DCLK1: variants seen among roughly 807,000 people sequenced by gnomAD.
DCLK1 encodes the protein doublecortin like kinase 1.
In DCLK1, 16 loss-of-function variants were observed where a neutral mutation model predicts 86.2. The ratio of observed to expected loss-of-function variants is 0.19; its 90% CI spans 0.13 to 0.28. DCLK1 has a LOEUF of 0.28. Among genes scored for constraint, DCLK1 ranks in the 10% least tolerant of loss-of-function variants. The probability of loss-of-function intolerance (pLI) is 1.00; values close to 1 mark genes in which losing one functional copy is unlikely to be tolerated. For missense variants in DCLK1, 590 were observed against 940.2 expected, an observed-to-expected ratio of 0.63 and a Z score of 4.87; for synonymous variants, 369 against 370.5, an observed-to-expected ratio of 1.00 and a Z score of 0.05.
Position 35,788,140 on chromosome 13 carries a change from A to G in DCLK1, c.2058+5226T>C. On this transcript the variant is annotated intron_variant, in intron 16 of 16. Coordinates refer to ENST00000360631, the MANE Select transcript of DCLK1 (RefSeq NM_001330071.2). ...AATCAAAAGCATGTTTATCCACCGA[A>G]GGAACTGGTTAATGGAGACTGCCAG... 2.2e-6 allele frequency: 3 copies of G among 1,393,538 alleles called. No homozygotes were observed. The Admixed American group carries it at 5.0e-5, about 23-fold the overall frequency. The allele number at this position is 1,393,538 out of a possible 1,614,324, so 86.3% of individuals were successfully genotyped here.
At chr13:35,828,994 A>G (rs1215944205) in intron 8 of DCLK1, among the ~76,000 whole-genome samples, 2 of 152,084 alleles carry the variant, frequency 1.3e-5, no homozygotes, top group East Asian at 1.9e-4. Context: ...AGAAAGGGAT[A>G]AAATCTATTT....
In DCLK1 at chr13:35,771,063, G is replaced by T. The variant is rs145294953; in HGVS notation, c.*3472C>A. 5.9e-5 allele frequency: 9 copies of T among 152,316 alleles called. No homozygotes were observed. The East Asian group carries it at 1.5e-3, about 26-fold the overall frequency. The allele number at this position is 152,316 out of a possible 1,614,324, so 9.4% of individuals were successfully genotyped here. On this transcript the variant is annotated 3_prime_UTR_variant, in exon 17 of 17. Transcript: ENST00000360631. ...TCCCTCAGCACGATTGAGCTTCAGCGCAAGGGATAGAGTTGTCTAGTGGAC... is the reference window on the plus strand; with the variant it reads ...TCCCTCAGCACGATTGAGCTTCAGCTCAAGGGATAGAGTTGTCTAGTGGAC...
intron 7 of DCLK1, among the ~76,000 whole-genome samples, chr13:35,838,070 A>AAAAAAAAAAAAAAG (rs1869522418): frequency 6.6e-6 from 1 of 151,510 alleles, no homozygotes; most frequent in African/African-American, 2.4e-5. Context: ...CATCTCAAAA[A>AAAAAAAAAAAAAAG]AAAAAAGAAA....
intron 3 of DCLK1, among the ~76,000 whole-genome samples, chr13:35,953,842 G>T (rs776168803): frequency 1.3e-5 from 2 of 152,134 alleles, no homozygotes; most frequent in Middle Eastern, 3.2e-3. Flanking sequence ...TTACAAGAGC[G>T]CCCTCTTCAA....
intron 4 of DCLK1, among the ~76,000 whole-genome samples, chr13:35,933,055 T>G (rs931231784): frequency 6.6e-6 from 1 of 152,060 alleles, no homozygotes; most frequent in South Asian, 2.1e-4. Context: ...ATGGGAGAAA[T>G]TGGCCAAAAC....
At chr13:36,090,459 A>T (rs1031690008) in intron 3 of DCLK1, among the ~76,000 whole-genome samples, 1 of 152,168 alleles carries the variant, frequency 6.6e-6, no homozygotes. Flanking sequence ...TAGGGTGTAC[A>T]GGGGAAAATG....
intron 4 of DCLK1, among the ~76,000 whole-genome samples, chr13:35,936,961 G>GTTTTTTTTTTTTTTTTTT: frequency 1.1e-5 from 1 of 91,558 alleles, no homozygotes; most frequent in Non-Finnish European, 2.2e-5. Flanking sequence ...AGAAAAGTTA[G>GTTTTTTTTTTTTTTTTTT]CTTTTTTTTT....
intron 15 of DCLK1, among the ~76,000 whole-genome samples, chr13:35,795,944 A>AG (rs55650940): frequency 1.3e-5 from 2 of 149,810 alleles, no homozygotes; most frequent in Non-Finnish European, 3.0e-5. Flanking sequence ...AAAAAAAAAA[A>AG]CCAACAACAA....
At chr13:35,867,133 C>T (rs1333224332) in intron 5 of DCLK1, among the ~76,000 whole-genome samples, 2 of 152,180 alleles carry the variant, frequency 1.3e-5, no homozygotes, top group African/African-American at 4.8e-5. Context: ...TAAATTGGTA[C>T]CATCCAAAGG....
At chr13:35,893,513 C>T (rs1364709645) in intron 4 of DCLK1, among the ~76,000 whole-genome samples, 2 of 152,114 alleles carry the variant, frequency 1.3e-5, no homozygotes, top group African/African-American at 4.8e-5. Context: ...CTTCAAAATC[C>T]AAAACTTTTT....
chr13:35,792,596 G>GA (rs5802781), intron 16 of DCLK1, among the ~76,000 whole-genome samples: 16,601 of 151,844 alleles, frequency 0.11, 1,611 homozygotes, highest in African/African-American at 0.25. Context: ...TACACACTCT[G>GA]AAAAAAAGAG....
chr13:35,840,533 G>A (rs930152016), intron 6 of DCLK1, among the ~76,000 whole-genome samples: 3 of 152,174 alleles, frequency 2.0e-5, no homozygotes, highest in African/African-American at 7.2e-5. Flanking sequence ...TACAGAACAG[G>A]CTAAAAGTTG....
chr13:35,871,289 C>A lies in DCLK1; in HGVS notation c.875G>T (p.Arg292Leu). ...TSYTKIASSS[R>L]RSTTKSPGPS... ...TCCTGGGCTCTTGGTGGTGCTCCTG[C>A]GGGATGATGAAGCTATTTTGGTGTA... The change falls in exon 5 of 17, where the codon CGC (arginine) becomes CTC (leucine). Residue 292 changes from arginine (R) to leucine (L), a missense_variant. Arg to Leu is a moderately radical substitution (Grantham distance 102). Coordinates refer to ENST00000360631, the MANE Select transcript of DCLK1 (RefSeq NM_001330071.2). 1 of 1,613,848 alleles carries A rather than the reference C, an allele frequency of 6.2e-7. No individual in the cohort carries two copies. Among genetic ancestry groups the A allele is most frequent in the Non-Finnish European group, 8.5e-7 (1 of 1,179,956 alleles).
At position 35,770,704 on chromosome 13, in the gene DCLK1, GA is replaced by G. The variant is rs2086315808; in HGVS notation, c.*3830del. On this transcript the variant is annotated 3_prime_UTR_variant, in exon 17 of 17. Coordinates refer to ENST00000360631, the MANE Select transcript of DCLK1 (RefSeq NM_001330071.2). The stretch of plus-strand genomic sequence containing the variant: ...ATGTTATCTACAATATATGCCAGGT[GA>G]CCCATTAAATTTAAAAAATGTGTGC... The G allele has an allele frequency of 6.6e-6, 1 of 152,168 alleles. No individual in the cohort carries two copies. The highest frequency in any genetic ancestry group is 6.5e-5 in the Admixed American group (1 of 15,278). 9.4% of individuals were successfully genotyped at this position (152,168 alleles called of 1,614,324 possible).
intron 4 of DCLK1, among the ~76,000 whole-genome samples, chr13:35,913,776 C>A (rs1875190226): frequency 6.6e-6 from 1 of 152,056 alleles, no homozygotes; most frequent in African/African-American, 2.4e-5. Context: ...TGAAAAGAAA[C>A]TAAGGCTCAT....
Position 35,808,289 on chromosome 13 carries a change from G to C in DCLK1, c.1798C>G (p.Gln600Glu), listed in dbSNP as rs2092616825. Residue 600 changes from glutamine (Q) to glutamate (E), a missense_variant, in exon 14 of 17, where the codon CAG (glutamine) becomes GAG (glutamate). By Grantham distance (29) the Gln-to-Glu change is conservative. Transcript: ENST00000360631. ...SGDDQEVLFD[Q>E]ILMGQVDFPS... Reference sequence around the variant, plus strand: ...AAGTCCACCTGCCCCATCAAAATCTGATCAAAAAGCACCTCCTGGTCATCA... The same window carrying C: ...AAGTCCACCTGCCCCATCAAAATCTCATCAAAAAGCACCTCCTGGTCATCA... 1 of 1,613,900 alleles carries C rather than the reference G, an allele frequency of 6.2e-7. No individual in the cohort carries two copies. The highest frequency in any genetic ancestry group is 1.3e-5 in the African/African-American group (1 of 74,890).
chr13:35,828,409 G>C, intron 8 of DCLK1, 102 bp from the exon 9 acceptor site: 2 of 900,888 alleles, frequency 2.2e-6, no homozygotes, highest in Admixed American at 2.8e-5. Context: ...CTTGCATCAT[G>C]TTGTAAATAT....
intron 2 of DCLK1, among the ~76,000 whole-genome samples, chr13:36,116,945 T>A (rs1421624155): frequency 2.0e-5 from 3 of 152,238 alleles, no homozygotes; most frequent in Non-Finnish European, 4.4e-5. Flanking sequence ...CATTTCATAA[T>A]CTACCTGGAA....
rs370083206 is a variant in DCLK1 at position 35,828,243 on chromosome 13, T to C, written c.1287+7A>G. ...TCTTATCTCATAAGAACAAATTTTA[T>C]ACATACTTTGCCTCGACATTTGCTT... On this transcript the variant is annotated splice_region_variant and intron_variant, in intron 9 of 16. Coordinates refer to ENST00000360631, the MANE Select transcript of DCLK1 (RefSeq NM_001330071.2). The C allele has an allele frequency of 3.1e-6, 5 of 1,608,336 alleles. No homozygotes were observed. Among genetic ancestry groups the C allele is most frequent in the Non-Finnish European group, 4.2e-6 (5 of 1,177,120 alleles).
Sources: allele counts gnomAD v4.1 joint callset (sites outside exome capture counted in the v4.1 genomes callset), GRCh38; gene constraint gnomAD v4.1.1; transcripts MANE v1.5; gene names NCBI Gene and HGNC (gene_info 2026-07-23, HGNC 2026-07-21).